Variants in ERC2 observed in about 807,000 individuals in gnomAD.
The protein encoded by ERC2 is ELKS/RAB6-interacting/CAST family member 2.
A neutral mutation model predicts 114.8 loss-of-function variants in ERC2; 42 were observed. That is an observed-to-expected ratio of 0.37 (90% CI 0.29 to 0.47). ERC2 has a LOEUF of 0.47. Ranked by LOEUF, ERC2 falls within the 20% of genes least tolerant of loss-of-function variation. ERC2 has a pLI of 0.99. For synonymous variants in ERC2, 454 were observed against 425.5 expected, an observed-to-expected ratio of 1.07 and a Z score of -0.82; for missense variants, 939 against 1,150.7, an observed-to-expected ratio of 0.82 and a Z score of 2.66.
chr3:56,189,615 C>G (rs912728690), intron 3 of ERC2, among the ~76,000 whole-genome samples: 8 of 152,200 alleles, frequency 5.3e-5, no homozygotes, highest in African/African-American at 1.9e-4. Flanking sequence ...AAGGGGCTCA[C>G]AGTGAACAAG....
At chr3:56,076,820 G>A (rs955176737) in intron 7 of ERC2, among the ~76,000 whole-genome samples, 1 of 152,092 alleles carries the variant, frequency 6.6e-6, no homozygotes, top group Non-Finnish European at 1.5e-5. Context: ...CTGTCTACAT[G>A]GCTTATGGAG....
intron 1 of ERC2, among the ~76,000 whole-genome samples, chr3:56,451,259 T>C (rs1360084399): frequency 1.3e-5 from 2 of 152,098 alleles, no homozygotes; most frequent in African/African-American, 2.4e-5. Flanking sequence ...TCACACAAAA[T>C]TTTGCTACAT....
intron 12 of ERC2, among the ~76,000 whole-genome samples, chr3:55,983,511 AT>A (rs1241930423): frequency 1.3e-5 from 2 of 152,188 alleles, no homozygotes; most frequent in African/African-American, 2.4e-5. Context: ...TGATGCTTGC[AT>A]TTTACCAAAC....
chr3:56,212,162 CAG>C (rs1418843098), intron 3 of ERC2, among the ~76,000 whole-genome samples: 1 of 151,994 alleles, frequency 6.6e-6, no homozygotes, highest in Non-Finnish European at 1.5e-5. Context: ...ACAGAATAAA[CAG>C]AGAACTGACA....
intron 2 of ERC2, among the ~76,000 whole-genome samples, chr3:56,404,741 T>C (rs1394089033): frequency 3.3e-5 from 5 of 151,192 alleles, no homozygotes; most frequent in African/African-American, 4.9e-5. Flanking sequence ...AAAAAAGATA[T>C]GCAAGACAAG....
At chr3:55,799,484 A>G (rs2070867725) in intron 14 of ERC2, among the ~76,000 whole-genome samples, 1 of 133,948 alleles carries the variant, frequency 7.5e-6, no homozygotes, top group Non-Finnish European at 1.6e-5. Context: ...TGCCTTATCT[A>G]TCACACGGCA....
chr3:56,467,288 T>C (rs1399204272), intron 1 of ERC2, among the ~76,000 whole-genome samples: 1 of 152,134 alleles, frequency 6.6e-6, no homozygotes, highest in Non-Finnish European at 1.5e-5. Flanking sequence ...AAGTGGCAGG[T>C]GTGGCTGTCA....
intron 13 of ERC2, among the ~76,000 whole-genome samples, chr3:55,895,483 C>T (rs2149333582): frequency 6.6e-6 from 1 of 152,242 alleles, no homozygotes; most frequent in Non-Finnish European, 1.5e-5. Context: ...TGCCTAATAC[C>T]CTGGAAGGCA....
intron 12 of ERC2, among the ~76,000 whole-genome samples, chr3:55,972,903 G>T (rs1009613237): frequency 2.0e-5 from 3 of 152,176 alleles, no homozygotes; most frequent in African/African-American, 7.2e-5. Flanking sequence ...ATAGAGAGAT[G>T]GGAATGGTCT....
intron 13 of ERC2, among the ~76,000 whole-genome samples, chr3:55,891,360 G>T (rs2063586905): frequency 6.6e-6 from 1 of 150,996 alleles, no homozygotes; most frequent in East Asian, 2.0e-4. Flanking sequence ...AACCTTTGTT[G>T]TGCTTTGCCT....
chr3:56,311,288 TATAC>T lies in ERC2; in HGVS notation c.658-14857_658-14854del, dbSNP rs1560571485. On this transcript the variant is annotated intron_variant, in intron 2 of 17. Transcript: ENST00000288221. ...ATATATATATATATATATATATATA[TATAC>T]ACACATATATATAATTTTTTTTTTT... is the stretch of plus-strand genomic sequence containing the variant. Among the ~76,000 whole-genome samples, 498 of 74,702 alleles carry T rather than the reference TATAC, an allele frequency of 6.7e-3. 2 individuals carry two copies. The highest frequency in any genetic ancestry group is 0.019 in the African/African-American group (434 of 23,194). The allele number at this position is 74,702 out of a possible 152,430, so 49.0% of individuals were successfully genotyped here.
At chr3:56,042,011 AC>A (rs1270273061) in intron 7 of ERC2, among the ~76,000 whole-genome samples, 1 of 152,216 alleles carries the variant, frequency 6.6e-6, no homozygotes, top group Non-Finnish European at 1.5e-5. Flanking sequence ...GATTAAGGTG[AC>A]CCAGCAAATT....
chr3:56,169,237 T>C lies in ERC2; in HGVS notation c.1149+4209A>G, dbSNP rs558262455. ...TTTACTAAAACCCTTATGTCACTCA[T>C]ATATGTCTTCTTTGATAAATTCTGC... On this transcript the variant is annotated intron_variant, in intron 4 of 17. Transcript: ENST00000288221. 2.0e-5 allele frequency among the ~76,000 whole-genome samples: 3 copies of C among 152,360 alleles called. No individual in the cohort carries two copies. In the South Asian group the frequency reaches 6.2e-4, roughly 32 times the overall value.
chr3:55,925,550 G>T (rs1490754865), intron 13 of ERC2, among the ~76,000 whole-genome samples: 1 of 152,194 alleles, frequency 6.6e-6, no homozygotes, highest in Non-Finnish European at 1.5e-5. Flanking sequence ...GGGTGGCTCA[G>T]ATTTCTGTCC....
intron 2 of ERC2, among the ~76,000 whole-genome samples, chr3:56,417,513 A>G (rs2107187138): frequency 6.6e-6 from 1 of 152,342 alleles, no homozygotes; most frequent in Admixed American, 6.5e-5. Flanking sequence ...TCTCCTAGCC[A>G]TTCCTAAGCA....
At chr3:55,536,739 C>T (rs2054024117) in intron 17 of ERC2, among the ~76,000 whole-genome samples, 1 of 152,340 alleles carries the variant, frequency 6.6e-6, no homozygotes, top group East Asian at 1.9e-4. Context: ...GAGCCCCTAC[C>T]ATCTTACTCA....
At chr3:56,174,362 T>G (rs1359847443) in intron 3 of ERC2, among the ~76,000 whole-genome samples, 2 of 152,222 alleles carry the variant, frequency 1.3e-5, no homozygotes, top group Non-Finnish European at 2.9e-5. Context: ...CAGATCACAC[T>G]TGGATTTTCT....
chr3:56,292,593 C>T (rs1397770253), intron 3 of ERC2, among the ~76,000 whole-genome samples: 3 of 151,262 alleles, frequency 2.0e-5, no homozygotes, highest in South Asian at 2.1e-4. Flanking sequence ...CCGTCCCCCA[C>T]CGCCCCCCGC....
intron 14 of ERC2, among the ~76,000 whole-genome samples, chr3:55,806,379 A>G (rs1325946699): frequency 1.3e-5 from 2 of 151,846 alleles, no homozygotes; most frequent in Non-Finnish European, 2.9e-5. Flanking sequence ...AGAAAGAAGA[A>G]GAAGAAATGA....
Sources: allele counts gnomAD v4.1 joint callset (sites outside exome capture counted in the v4.1 genomes callset), GRCh38; gene constraint gnomAD v4.1.1; transcripts MANE v1.5; gene names NCBI Gene and HGNC (gene_info 2026-07-23, HGNC 2026-07-21).